The following TEKT1 variants were observed in gnomAD, a reference collection of about 807,000 sequenced individuals.
TEKT1 encodes tektin-1.
In TEKT1, 32 loss-of-function variants were observed where a neutral mutation model predicts 34.8. That is an observed-to-expected ratio of 0.92 (90% confidence interval 0.69 to 1.23). TEKT1 has a LOEUF of 1.23. TEKT1 is among the 50% of genes most tolerant of loss of function. TEKT1 has a pLI of 0.00. For synonymous variants in TEKT1, 207 were observed against 199.8 expected (o/e 1.04, Z -0.30); for missense variants, 492 against 518.5 (o/e 0.95, Z 0.50).
At chr17:6,812,769 T>A (rs1428184125) in intron 6 of TEKT1, 62 bp downstream of exon 6, 1 of 1,543,894 alleles carries the variant, frequency 6.5e-7, no homozygotes, top group Non-Finnish European at 8.8e-7. Flanking sequence ...GGGGCATTCT[T>A]GTTTTCCATG....
At chr17:6,830,116 CA>C in intron 2 of TEKT1, 70 bp downstream of exon 2, 1 of 1,427,038 alleles carries the variant, frequency 7.0e-7, no homozygotes. Context: ...CACATCTGAA[CA>C]TGACACTATA....
chr17:6,830,286 T>C lies in TEKT1; in HGVS notation c.91A>G (p.Arg31Gly), dbSNP rs1904539061. Residue 31 changes from arginine to glycine, a missense_variant, in exon 2 of 8, where the codon AGG becomes GGG. Transcript: ENST00000338694. ...GCGACCAGGCGTTCTGATCGGGACC[T>C]TTGAGCGTCTGCTCTGTGGTACTGG... ...KNQYHRADAQ[R>G]SRSERLVAES... 6.2e-7 allele frequency: 1 copy of C among 1,613,606 alleles called. No individual in the cohort carries two copies.
intron 2 of TEKT1, among the ~76,000 whole-genome samples, chr17:6,822,179 C>A (rs563300466): frequency 2.0e-5 from 3 of 152,194 alleles, no homozygotes; most frequent in Non-Finnish European, 4.4e-5. Context: ...CTCTGTCACC[C>A]AGGCTGGAGT....
chr17:6,830,563 C>T (rs1567683408), intron 1 of TEKT1, among the ~76,000 whole-genome samples, 170 bp from the exon 2 acceptor site: 3 of 152,194 alleles, frequency 2.0e-5, no homozygotes. Context: ...GCATTACCAG[C>T]ATCTCTAACC....
At position 6,812,308 on chromosome 17, in the gene TEKT1, G is replaced by A. The variant is rs139632642; in HGVS notation, c.852+523C>T. 3.7e-4 allele frequency among the ~76,000 whole-genome samples: 57 copies of A among 152,182 alleles called. No individual in the cohort carries two copies. In the East Asian group the frequency reaches 7.5e-3, roughly 20 times the overall value. On this transcript the variant is annotated intron_variant, in intron 6 of 7. Transcript: ENST00000338694. ...GTCTTGGGTAGCTCTTTACGGTGGTGTGAAAGTGACTAAAACACCCTCTGA... is the reference window on the plus strand; with the variant it reads ...GTCTTGGGTAGCTCTTTACGGTGGTATGAAAGTGACTAAAACACCCTCTGA...
chr17:6,815,785 T>G (rs1314504191), intron 4 of TEKT1, 49 bp downstream of exon 4: 1 of 1,608,954 alleles, frequency 6.2e-7, no homozygotes, highest in Non-Finnish European at 8.5e-7. Context: ...ACACTGCCTT[T>G]TCTCAAAATT....
rs1976750167 is a variant in TEKT1 at position 6,800,210 on chromosome 17, A to G, written c.1074T>C (p.Ala358=). The part of the protein sequence containing the change: ...VARLKETLAQ[A]QAELKGLHRR... ...GATGCAGCCCTTTCAGCTCTGCCTG[A>G]GCTTGGGCTAAAGTTTCCTTCAATC... The change falls in exon 8 of 8, where the codon GCT becomes GCC. Residue 358 remains alanine, a synonymous_variant. Coordinates refer to ENST00000338694, the MANE Select transcript of TEKT1 (RefSeq NM_053285.2). 2 of 1,614,076 alleles carry G rather than the reference A, an allele frequency of 1.2e-6. No individual in the cohort carries two copies. Among genetic ancestry groups the G allele is most frequent in the Non-Finnish European group, 1.7e-6 (2 of 1,180,010 alleles).
chr17:6,824,421 T>G (rs1904338885), intron 2 of TEKT1, among the ~76,000 whole-genome samples: 1 of 152,026 alleles, frequency 6.6e-6, no homozygotes, highest in Non-Finnish European at 1.5e-5. Flanking sequence ...ATGCTGCTCT[T>G]CCTCACGTAC....
intron 2 of TEKT1, among the ~76,000 whole-genome samples, chr17:6,829,791 G>A (rs1451164681): frequency 6.6e-6 from 1 of 151,362 alleles, no homozygotes; most frequent in African/African-American, 2.4e-5. Flanking sequence ...AAGTATTTTG[G>A]ACCTACAACT....
intron 6 of TEKT1, among the ~76,000 whole-genome samples, chr17:6,809,127 T>A (rs1461917156): frequency 6.6e-6 from 1 of 152,226 alleles, no homozygotes; most frequent in Non-Finnish European, 1.5e-5. Flanking sequence ...GTACACTTGT[T>A]ATTAATACAA....
At position 6,799,810 on chromosome 17, in the gene TEKT1, C is replaced by T. The variant is rs1976740966; in HGVS notation, c.*217G>A. 4.3e-6 allele frequency: 2 copies of T among 468,534 alleles called. No homozygotes were observed. Among genetic ancestry groups the T allele is most frequent in the African/African-American group, 2.0e-5 (1 of 50,754 alleles). 29.0% of individuals were successfully genotyped at this position (468,534 alleles called of 1,614,324 possible). Reference sequence around the variant, plus strand: ...AAGTCCTGTGATATTGTAAGAGTGGCCTGTGCTAAAATATGGAGTTGAATT... The same window carrying T: ...AAGTCCTGTGATATTGTAAGAGTGGTCTGTGCTAAAATATGGAGTTGAATT... On this transcript the variant is annotated 3_prime_UTR_variant, in exon 8 of 8. Coordinates refer to ENST00000338694, the MANE Select transcript of TEKT1 (RefSeq NM_053285.2).
rs767178585 is a variant in TEKT1 at position 6,830,410 on chromosome 17, T to C, written c.-17-17A>G. On this transcript the variant is annotated splice_polypyrimidine_tract_variant and intron_variant, in intron 1 of 7. Transcript: ENST00000338694. ...TCCAAATTCCTGATCAAAAGCAGAC[T>C]CTTTTAGATTAAATGAAAGCAATTT... is the stretch of plus-strand genomic sequence containing the variant. 2 of 1,487,636 alleles carry C rather than the reference T, an allele frequency of 1.3e-6. No homozygotes were observed. The highest frequency in any genetic ancestry group is 1.8e-6 in the Non-Finnish European group (2 of 1,108,472). 92.2% of individuals were successfully genotyped at this position (1,487,636 alleles called of 1,614,324 possible). A position where few individuals can be genotyped will look rare whatever the true frequency, so the allele number is the denominator to read the frequency against.
intron 6 of TEKT1, 78 bp downstream of exon 6, chr17:6,812,753 G>A: frequency 2.1e-6 from 3 of 1,418,498 alleles, no homozygotes; most frequent in Non-Finnish European, 2.9e-6. Context: ...TAGCGGTCTG[G>A]CCCAGGGGGC....
intron 6 of TEKT1, among the ~76,000 whole-genome samples, chr17:6,807,432 A>T (rs147340672): frequency 0.034 from 5,121 of 152,008 alleles, 120 homozygotes; most frequent in African/African-American, 0.055. Context: ...TTTAGCTCAG[A>T]GTAGTTTGAT....
chr17:6,823,204 A>G (rs1977116875), intron 2 of TEKT1, among the ~76,000 whole-genome samples: 1 of 152,232 alleles, frequency 6.6e-6, no homozygotes, highest in Admixed American at 6.5e-5. Context: ...AAGACTTTCA[A>G]CCAATCTTGT....
At position 6,813,047 on chromosome 17, in the gene TEKT1, C is replaced by T. The variant is rs752760609; in HGVS notation, c.636G>A (p.Val212=). 1.9e-6 allele frequency: 3 copies of T among 1,613,352 alleles called. No homozygotes were observed. The highest frequency in any genetic ancestry group is 2.5e-6 in the Non-Finnish European group (3 of 1,179,654). Residue 212 remains valine, a synonymous_variant, in exon 6 of 8, where the codon GTG becomes GTA. Coordinates refer to ENST00000338694, the MANE Select transcript of TEKT1 (RefSeq NM_053285.2). ...AGAAGTCCAACCAGTCTTCCAGACTCACGGAGCTGAAACAGACCTCACGCT... is the reference window on the plus strand; with the variant it reads ...AGAAGTCCAACCAGTCTTCCAGACTTACGGAGCTGAAACAGACCTCACGCT... ...ENAVRIEPNS[V]SLEDWLDFSS...
At chr17:6,825,700 C>T (rs947127457) in intron 2 of TEKT1, among the ~76,000 whole-genome samples, 9 of 152,136 alleles carry the variant, frequency 5.9e-5, no homozygotes, top group Non-Finnish European at 1.0e-4. Flanking sequence ...TTTTACTTTA[C>T]ATAAATAGAA....
At position 6,812,701 on chromosome 17, in the gene TEKT1, C is replaced by T. The variant is rs570743008; in HGVS notation, c.852+130G>A. The T allele has an allele frequency of 3.0e-5, 26 of 860,492 alleles. No homozygotes were observed. The South Asian group carries it at 4.2e-4, about 14-fold the overall frequency. 53.3% of individuals were successfully genotyped at this position (860,492 alleles called of 1,614,324 possible). The stretch of plus-strand genomic sequence containing the variant: ...TGCTAAGCTTGAGAGATATGAATGA[C>T]CCTTACCCACGAGTTAACCCAATAT... On this transcript the variant is annotated intron_variant, in intron 6 of 7. Coordinates refer to ENST00000338694, the MANE Select transcript of TEKT1 (RefSeq NM_053285.2).
At chr17:6,826,767 G>A (rs1024594066) in intron 2 of TEKT1, among the ~76,000 whole-genome samples, 5 of 150,456 alleles carry the variant, frequency 3.3e-5, no homozygotes, top group Non-Finnish European at 7.4e-5. Context: ...ACTATCTCAC[G>A]TCACTGCAAG....
Sources: gnomAD v4.1 joint callset for allele counts (sites outside exome capture counted in the v4.1 genomes callset) on GRCh38, gnomAD v4.1.1 for gene constraint, MANE v1.5 for transcripts, NCBI Gene and HGNC (gene_info 2026-07-23, HGNC 2026-07-21) for gene names.